Variants in FDFT1 observed in about 807,000 individuals in gnomAD.
The protein encoded by FDFT1 is farnesyl-diphosphate farnesyltransferase 1.
A neutral mutation model predicts 46.8 loss-of-function variants in FDFT1; 68 were observed. That is an observed-to-expected ratio of 1.45 (90% CI 1.19 to 1.78). FDFT1 has a LOEUF of 1.78. Ranked by LOEUF, FDFT1 falls within the 40% of genes most tolerant of loss-of-function variation. FDFT1 has a pLI of 0.00. For missense variants in FDFT1, 928 were observed against 524.4 expected, an observed-to-expected ratio of 1.77 and a Z score of -7.52; for synonymous variants, 351 against 185.1, an observed-to-expected ratio of 1.90 and a Z score of -7.28.
rs755805152 is a variant in FDFT1 at position 11,808,800 on chromosome 8, C to T, written c.106C>T (p.Leu36Phe). ...KVMPKMDQDS[L>F]SSSLKTCYKY... ...GTGTGTTGTCTGCCCGCAGGACTCG[C>T]TCAGCAGCAGCCTGAAAACTTGCTA... Residue 36 changes from leucine (L) to phenylalanine (F), a missense_variant, in exon 2 of 8, where the codon CTC becomes TTC. Transcript: ENST00000220584. The T allele has an allele frequency of 5.0e-6, 8 of 1,613,476 alleles. No homozygotes were observed. Among genetic ancestry groups the T allele is most frequent in the Admixed American group, 1.7e-5 (1 of 59,984 alleles).
chr8:11,802,684 G>C (rs1392435605), upstream of FDFT1: 1 of 654,480 alleles, frequency 1.5e-6, no homozygotes, highest in Non-Finnish European at 2.6e-6. Flanking sequence ...TGAAGTGGGC[G>C]GAGCGGCGGG....
At chr8:11,830,158 C>G (rs751424935) in intron 5 of FDFT1, 86 bp from the exon 6 acceptor site, 1 of 1,127,144 alleles carries the variant, frequency 8.9e-7, no homozygotes, top group Non-Finnish European at 1.3e-6. Flanking sequence ...TATCATAGTT[C>G]TTATGCACAA....
rs1267161345 is a variant in FDFT1, at chr8:11,808,681, G to A, written c.100-113G>A. The A allele has an allele frequency of 1.5e-5, 23 of 1,493,168 alleles. No homozygotes were observed. The South Asian group carries it at 2.6e-4, about 17-fold the overall frequency. The allele number at this position is 1,493,168 out of a possible 1,614,324, so 92.5% of individuals were successfully genotyped here. A position where few individuals can be genotyped will look rare whatever the true frequency, so the allele number is the denominator to read the frequency against. On this transcript the variant is annotated intron_variant, in intron 1 of 7. Transcript: ENST00000220584. ...TGCAAGGACTGGCCTCGGGGAGAGG[G>A]CGGCAGGCTGTGGAGCCGCCTGCCC...
chr8:11,808,290 G>C, intron 1 of FDFT1: 1 of 1,224,482 alleles, frequency 8.2e-7, no homozygotes, highest in Non-Finnish European at 1.0e-6. Context: ...GAAGTGCGCT[G>C]GGTTCCCTTA....
At chr8:11,831,917 A>G in intron 7 of FDFT1, 1 of 376,532 alleles carries the variant, frequency 2.7e-6, no homozygotes, top group Non-Finnish European at 4.8e-6. Context: ...GGAGCCCCTC[A>G]GTAGAATCAT....
At chr8:11,825,699 A>AT (rs1312562992) in intron 4 of FDFT1, among the ~76,000 whole-genome samples, 27 of 145,248 alleles carry the variant, frequency 1.9e-4, no homozygotes, top group Middle Eastern at 3.5e-3. Context: ...AAAAAAAATA[A>AT]AAAATAAAAA....
chr8:11,830,216 C>T (rs1401191687), intron 5 of FDFT1, 28 bp from the exon 6 acceptor site: 2 of 1,582,866 alleles, frequency 1.3e-6, no homozygotes, highest in Non-Finnish European at 1.7e-6. Context: ...ACACGCTGAC[C>T]TGTTCCTTAA....
chr8:11,809,998 A>ACTT, intron 3 of FDFT1, 148 bp downstream of exon 3: 1 of 582,598 alleles, frequency 1.7e-6, no homozygotes, highest in East Asian at 3.0e-5. Context: ...GGTAGCCAAG[A>ACTT]CTCTGAAGCC....
In FDFT1 at chr8:11,821,754, C is replaced by T; in HGVS notation, c.386C>T (p.Ser129Phe). Reference protein sequence around the residue: ...RQVLEDFPTISLEFRNLAEKY... With the variant: ...RQVLEDFPTIFLEFRNLAEKY... Reference sequence around the variant, plus strand: ...TTTTTACGGTTTCCATTTCAGATCTCCCTTGAGTTTAGAAATCTGGCTGAG... The same window carrying T: ...TTTTTACGGTTTCCATTTCAGATCTTCCTTGAGTTTAGAAATCTGGCTGAG... Residue 129 changes from serine (S) to phenylalanine (F), a missense_variant, in exon 4 of 8, where the codon TCC (serine) becomes TTC (phenylalanine). Transcript: ENST00000220584. The T allele has an allele frequency of 6.2e-7, 1 of 1,613,074 alleles. No individual in the cohort carries two copies. Among genetic ancestry groups the T allele is most frequent in the Non-Finnish European group, 8.5e-7 (1 of 1,179,302 alleles).
chr8:11,814,806 A>G (rs1226614698), intron 3 of FDFT1, among the ~76,000 whole-genome samples: 2 of 115,322 alleles, frequency 1.7e-5, no homozygotes, highest in African/African-American at 3.2e-5. Context: ...AACTAATGAG[A>G]TAAAATGGTT....
At position 11,817,822 on chromosome 8, in the gene FDFT1, A is replaced by ATTT. The variant is rs150361729; in HGVS notation, c.382-3919_382-3917dup. ...AAAAAACCAGCTCCTGGATTCATTAATTTTTTTTTTTGAAGGGTTTTTTGT... is the reference window on the plus strand; with the variant it reads ...AAAAAACCAGCTCCTGGATTCATTAATTTTTTTTTTTTTTGAAGGGTTTTTTGT... On this transcript the variant is annotated intron_variant, in intron 3 of 7. Coordinates refer to ENST00000220584, the MANE Select transcript of FDFT1 (RefSeq NM_004462.5). Among the ~76,000 whole-genome samples the ATTT allele has an allele frequency of 3.0e-3, 450 of 148,968 alleles. 3 individuals are homozygous for ATTT. Among genetic ancestry groups the ATTT allele is most frequent in the Non-Finnish European group, 5.1e-3 (341 of 67,182 alleles).
At position 11,826,112 on chromosome 8, in the gene FDFT1, A is replaced by T. The variant is rs1421062561; in HGVS notation, c.599A>T (p.Asp200Val). The change falls in exon 5 of 8, where the codon GAT (aspartate) becomes GTT (valine). Residue 200 changes from aspartate (D) to valine (V), a missense_variant. Transcript: ENST00000220584. The stretch of plus-strand genomic sequence containing the variant: ...TTTGAAGACCCCTTAGTTGGTGAAG[A>T]TACAGAACGTGCCAACTCTATGGGC... ...SEFEDPLVGE[D>V]TERANSMGLF... 3 of 1,610,716 alleles carry T rather than the reference A, an allele frequency of 1.9e-6. No homozygotes were observed. The African/African-American group carries it at 4.0e-5, about 22-fold the overall frequency.
chr8:11,819,851 C>T (rs1041373762), intron 3 of FDFT1, among the ~76,000 whole-genome samples: 5 of 152,094 alleles, frequency 3.3e-5, no homozygotes, highest in Admixed American at 3.3e-4. Context: ...CTTCTGTCAA[C>T]TCGTTAAACT....
At chr8:11,796,172 A>T (rs1318583708) in intron 1 of FDFT1, among the ~76,000 whole-genome samples, 1 of 152,248 alleles carries the variant, frequency 6.6e-6, no homozygotes, top group South Asian at 2.1e-4. Context: ...GCTAAACAAA[A>T]TACAAAGCCA....
rs768018450 is a variant in FDFT1, at chr8:11,826,096, C to A, written c.583C>A (p.Pro195Thr). Residue 195 changes from proline (P) to threonine (T), a missense_variant, in exon 5 of 8, where the codon CCC becomes ACC. Pro to Thr is a conservative substitution (Grantham distance 38). Transcript: ENST00000220584. ...RLFSASEFED[P>T]LVGEDTERAN... ...TTTCTCAGCCTCAGAGTTTGAAGAC[C>A]CCTTAGTTGGTGAAGATACAGAACG... 5 of 1,610,694 alleles carry A rather than the reference C, an allele frequency of 3.1e-6. No homozygotes were observed. In the South Asian group the frequency reaches 5.5e-5, roughly 18 times the overall value.
chr8:11,797,202 T>G (rs1440448356), intron 1 of FDFT1, among the ~76,000 whole-genome samples: 1 of 152,220 alleles, frequency 6.6e-6, no homozygotes, highest in East Asian at 1.9e-4. Flanking sequence ...GTCGGCTGTC[T>G]GAACCCCACC....
At chr8:11,803,512 G>C in intron 1 of FDFT1, 1 of 1,215,224 alleles carries the variant, frequency 8.2e-7, no homozygotes, top group South Asian at 1.5e-5. Flanking sequence ...TAGGTGGTTG[G>C]TGGAAGGTCA....
intron 1 of FDFT1, 125 bp downstream of exon 1, chr8:11,803,056 TC>T (rs1806340415): frequency 1.4e-6 from 2 of 1,459,896 alleles, no homozygotes; most frequent in Non-Finnish European, 9.0e-7. Context: ...GCCTGGGTGT[TC>T]CCGTCCCCCT....
chr8:11,824,140 G>A (rs1481341722), intron 4 of FDFT1, among the ~76,000 whole-genome samples: 1 of 152,136 alleles, frequency 6.6e-6, no homozygotes, highest in African/African-American at 2.4e-5. Flanking sequence ...CGGGATTACA[G>A]GCGTGAACTT....
Sources: allele counts gnomAD v4.1 joint callset (sites outside exome capture counted in the v4.1 genomes callset), GRCh38; gene constraint gnomAD v4.1.1; transcripts MANE v1.5; gene names NCBI Gene and HGNC (gene_info 2026-07-23, HGNC 2026-07-21).